Variants in TRNP1 observed in about 807,000 individuals in gnomAD.
TRNP1 encodes the protein TMF-regulated nuclear protein 1.
A neutral mutation model predicts 12.2 loss-of-function variants in TRNP1; 16 were observed. The ratio of observed to expected loss-of-function variants is 1.31; its 90% CI spans 0.89 to 1.99. The LOEUF is 1.99. TRNP1 is among the 30% of genes most tolerant of loss of function. The pLI is 0.00. For missense variants in TRNP1, 338 were observed against 330.4 expected (o/e 1.02, Z -0.18); for synonymous variants, 139 against 166.2 (o/e 0.84, Z 1.26).
chr1:26,994,457 C>T lies in TRNP1; in HGVS notation c.671C>T (p.Ser224Phe). 3 of 1,178,120 alleles carry T rather than the reference C, an allele frequency of 2.5e-6. No individual in the cohort carries two copies. The highest frequency in any genetic ancestry group is 3.1e-6 in the Non-Finnish European group (3 of 953,062). 73.0% of individuals were successfully genotyped at this position (1,178,120 alleles called of 1,614,324 possible). The change falls in exon 1 of 2, where the codon TCC (serine) becomes TTC (phenylalanine). Residue 224 changes from serine (S) to phenylalanine (F), a missense_variant. By Grantham distance (155) the Ser-to-Phe change is radical. Transcript: ENST00000522111. The surrounding 1 kb of genome is among the most constrained non-coding windows in gnomAD (Gnocchi z 6.9). ...FRRSPPRGPASPQR is the reference protein window; with the variant it reads ...FRRSPPRGPAFPQR ...CGCAGCCCGCCCCGCGGCCCCGCCTCCCCGCAGCGCTGACCTCCACGCCCG... is the reference window on the plus strand; with the variant it reads ...CGCAGCCCGCCCCGCGGCCCCGCCTTCCCGCAGCGCTGACCTCCACGCCCG...
Position 26,994,215 on chromosome 1 carries a change from C to T in TRNP1, c.429C>T (p.His143=). The change falls in exon 1 of 2, where the codon CAC becomes CAT. Residue 143 remains histidine, a synonymous_variant. Transcript: ENST00000522111. This position sits in a 1 kb window ranked among gnomAD's most constrained non-coding sequence, Gnocchi z 6.9. The part of the protein sequence containing the change: ...VFLAAELRLA[H]RAESLSRLSG... ...TGGCGGCCGAGCTGCGCCTGGCGCACCGCGCGGAGAGCCTGAGCCGCCTGA... is the reference window on the plus strand; with the variant it reads ...TGGCGGCCGAGCTGCGCCTGGCGCATCGCGCGGAGAGCCTGAGCCGCCTGA... 2 of 1,280,090 alleles carry T rather than the reference C, an allele frequency of 1.6e-6. No homozygotes were observed. The highest frequency in any genetic ancestry group is 2.0e-6 in the Non-Finnish European group (2 of 1,008,880). 79.3% of individuals were successfully genotyped at this position (1,280,090 alleles called of 1,614,324 possible).
At chr1:26,996,027 G>C (rs1360689454) in intron 1 of TRNP1, among the ~76,000 whole-genome samples, 1 of 152,210 alleles carries the variant, frequency 6.6e-6, no homozygotes, top group Non-Finnish European at 1.5e-5. Flanking sequence ...GGGTGGAGAG[G>C]GGATTTCTCA....
intron 1 of TRNP1, among the ~76,000 whole-genome samples, chr1:26,997,773 A>T (rs1290460053): frequency 6.6e-6 from 1 of 152,080 alleles, no homozygotes; most frequent in Non-Finnish European, 1.5e-5. Flanking sequence ...CTAATCTGGG[A>T]CCTGCCCCTC....
At chr1:26,996,742 C>T (rs1053072471) in intron 1 of TRNP1, among the ~76,000 whole-genome samples, 1 of 151,836 alleles carries the variant, frequency 6.6e-6, no homozygotes. Flanking sequence ...CAGCTTGTCC[C>T]GATTTGGGGG....
rs185395270 is a variant in TRNP1 at position 26,998,830 on chromosome 1, G to A, written c.*143-1017G>A. Among the ~76,000 whole-genome samples the A allele has an allele frequency of 2.8e-3, 426 of 152,316 alleles. 2 individuals are homozygous for A. The highest frequency in any genetic ancestry group is 4.0e-3 in the Non-Finnish European group (274 of 68,024). On this transcript the variant is annotated intron_variant, in intron 1 of 1. Coordinates refer to ENST00000522111, the MANE Select transcript of TRNP1 (RefSeq NM_001013642.3). ...AGGTGAAGAAACAGAGAGGGAGGGC[G>A]GGTGACTTGCCCAAAGACATAGGAG... is the stretch of plus-strand genomic sequence containing the variant.
chr1:27,000,319 A>C lies in TRNP1; in HGVS notation c.*615A>C, dbSNP rs530824151. ...GCGCCGGGAGGCCTGTTTGAGGGAA[A>C]ACATTAGTTTGAAAAATCCCCGTTC... On this transcript the variant is annotated 3_prime_UTR_variant, in exon 2 of 2. Coordinates refer to ENST00000522111, the MANE Select transcript of TRNP1 (RefSeq NM_001013642.3). The C allele has an allele frequency of 6.6e-6, 1 of 152,216 alleles. No homozygotes were observed. The highest frequency in any genetic ancestry group is 2.4e-5 in the African/African-American group (1 of 41,438). The allele number at this position is 152,216 out of a possible 1,614,324, so 9.4% of individuals were successfully genotyped here. A position where few individuals can be genotyped will look rare whatever the true frequency, so the allele number is the denominator to read the frequency against.
chr1:26,999,540 A>T (rs2124196961), intron 1 of TRNP1, among the ~76,000 whole-genome samples: 1 of 152,274 alleles, frequency 6.6e-6, no homozygotes, highest in African/African-American at 2.4e-5. Context: ...TCTCTAGAGC[A>T]TCACCATATC....
At chr1:26,999,818 A>G (rs1402200279) in intron 1 of TRNP1, 29 bp from the exon 2 acceptor site, 1 of 152,272 alleles carries the variant, frequency 6.6e-6, no homozygotes, top group Non-Finnish European at 1.5e-5. Flanking sequence ...GAAAGAGGCC[A>G]TTAAAGCTCT....
intron 1 of TRNP1, among the ~76,000 whole-genome samples, chr1:26,998,760 C>T (rs2082557768): frequency 6.6e-6 from 1 of 152,190 alleles, no homozygotes; most frequent in Non-Finnish European, 1.5e-5. Flanking sequence ...TGTTCCGGTT[C>T]TCCCAACCAC....
At chr1:26,998,950 A>C (rs990889503) in intron 1 of TRNP1, among the ~76,000 whole-genome samples, 2 of 152,220 alleles carry the variant, frequency 1.3e-5, no homozygotes, top group Non-Finnish European at 1.5e-5. Context: ...GGGCTCCCAC[A>C]TTCAAGGCTG....
chr1:26,996,043 A>C (rs367881747), intron 1 of TRNP1, among the ~76,000 whole-genome samples: 4 of 152,236 alleles, frequency 2.6e-5, no homozygotes, highest in African/African-American at 9.6e-5. Flanking sequence ...TCTCAAGGTC[A>C]CATGCCAGTG....
At chr1:26,995,683 T>G (rs1158161771) in intron 1 of TRNP1, among the ~76,000 whole-genome samples, 1 of 152,214 alleles carries the variant, frequency 6.6e-6, no homozygotes, top group Non-Finnish European at 1.5e-5. Context: ...CAGGCTGAAG[T>G]GCAATGGTGC....
rs117613263 is a variant in TRNP1 at position 26,998,470 on chromosome 1, A to G, written c.*143-1377A>G. ...TAGGCTGGAGCCACAGAACCTGGCC[A>G]AGGTGGTCCAAGCCTGCAGCCGCTC... On this transcript the variant is annotated intron_variant, in intron 1 of 1. Coordinates refer to ENST00000522111, the MANE Select transcript of TRNP1 (RefSeq NM_001013642.3). Among the ~76,000 whole-genome samples the G allele has an allele frequency of 2.5e-3, 385 of 152,296 alleles. 8 individuals carry two copies. The East Asian group carries it at 0.069, about 27-fold the overall frequency.
In TRNP1 at chr1:26,994,530, C is replaced by A; in HGVS notation, c.*60C>A. The A allele has an allele frequency of 9.1e-7, 1 of 1,095,118 alleles. No individual in the cohort carries two copies. The highest frequency in any genetic ancestry group is 1.1e-6 in the Non-Finnish European group (1 of 895,188). The allele number at this position is 1,095,118 out of a possible 1,614,324, so 67.8% of individuals were successfully genotyped here. A position where few individuals can be genotyped will look rare whatever the true frequency, so the allele number is the denominator to read the frequency against. Reference sequence around the variant, plus strand: ...CTTCGCCGAGGTGCCGACCGACCGACTGATCGCGGACGCCGGCTGGAAGGA... The same window carrying A: ...CTTCGCCGAGGTGCCGACCGACCGAATGATCGCGGACGCCGGCTGGAAGGA... On this transcript the variant is annotated 3_prime_UTR_variant, in exon 1 of 2. Transcript: ENST00000522111. The surrounding 1 kb of genome is among the most constrained non-coding windows in gnomAD (Gnocchi z 6.9).
Position 26,994,413 on chromosome 1 carries a change from G to C in TRNP1, c.627G>C (p.Glu209Asp). The change falls in exon 1 of 2, where the codon GAG (glutamate) becomes GAC (aspartate). Residue 209 changes from glutamate (E) to aspartate (D), a missense_variant. Physicochemically the swap from Glu to Asp is conservative, Grantham distance 45. Transcript: ENST00000522111. The surrounding 1 kb of genome is among the most constrained non-coding windows in gnomAD (Gnocchi z 6.9). ...GACTGCGGCGCGGCCACGGCCCCGA[G>C]CCCGACTCGCCCTTCCGCCGCAGCC... ...AGRLRRGHGP[E>D]PDSPFRRSPP... is the part of the protein sequence containing the mutation. 8.6e-7 allele frequency: 1 copy of C among 1,157,472 alleles called. No homozygotes were observed. Among genetic ancestry groups the C allele is most frequent in the East Asian group, 4.0e-5 (1 of 25,082 alleles). The allele number at this position is 1,157,472 out of a possible 1,614,324, so 71.7% of individuals were successfully genotyped here.
chr1:26,993,995 T>G lies in TRNP1; in HGVS notation c.209T>G (p.Leu70Arg), dbSNP rs1459872785. Residue 70 changes from leucine to arginine, a missense_variant, in exon 1 of 2, where the codon CTG (leucine) becomes CGG (arginine). Leu to Arg is a moderately radical substitution (Grantham distance 102). Transcript: ENST00000522111. The stretch of plus-strand genomic sequence containing the variant: ...GCAGGCGCGGCCGAGGACCAGGAGC[T>G]GCAGCGCTGGCGCCAGGGCGCTAGC... Reference protein sequence around the residue: ...ASAGAAEDQELQRWRQGASGI... With the variant: ...ASAGAAEDQERQRWRQGASGI... 2 of 1,296,374 alleles carry G rather than the reference T, an allele frequency of 1.5e-6. No homozygotes were observed. Among genetic ancestry groups the G allele is most frequent in the Non-Finnish European group, 2.0e-6 (2 of 1,024,454 alleles). The allele number at this position is 1,296,374 out of a possible 1,614,324, so 80.3% of individuals were successfully genotyped here. A position where few individuals can be genotyped will look rare whatever the true frequency, so the allele number is the denominator to read the frequency against.
chr1:26,993,855 G>A lies in TRNP1; in HGVS notation c.69G>A (p.Pro23=), dbSNP rs1402209982. ...AGGGGACGGCAGAGCAGAGGTCGCCGCCGCCGCCCTGGGATCCCATGCCGT... is the reference window on the plus strand; with the variant it reads ...AGGGGACGGCAGAGCAGAGGTCGCCACCGCCGCCCTGGGATCCCATGCCGT... ...AQEGTAEQRS[P]PPPWDPMPSS... The change falls in exon 1 of 2, where the codon CCG becomes CCA. Residue 23 remains proline (P), a synonymous_variant. Coordinates refer to ENST00000522111, the MANE Select transcript of TRNP1 (RefSeq NM_001013642.3). 5.9e-6 allele frequency: 8 copies of A among 1,356,268 alleles called. No homozygotes were observed. The highest frequency in any genetic ancestry group is 7.9e-5 in the Admixed American group (2 of 25,306). 84.0% of individuals were successfully genotyped at this position (1,356,268 alleles called of 1,614,324 possible).
At chr1:26,998,467 G>A (rs920929623) in intron 1 of TRNP1, among the ~76,000 whole-genome samples, 1 of 152,190 alleles carries the variant, frequency 6.6e-6, no homozygotes, top group African/African-American at 2.4e-5. Flanking sequence ...ACAGAACCTG[G>A]CCAAGGTGGT....
intron 1 of TRNP1, among the ~76,000 whole-genome samples, chr1:26,995,310 G>T (rs1411131438): frequency 3.3e-5 from 5 of 152,226 alleles, no homozygotes; most frequent in Admixed American, 3.3e-4. Flanking sequence ...GCTCGGCCAG[G>T]TTGGAACCAG....
Sources: gnomAD v4.1 joint callset for allele counts (sites outside exome capture counted in the v4.1 genomes callset) on GRCh38, gnomAD v4.1.1 for gene constraint, Gnocchi (gnomAD v3.1) non-coding constraint, MANE v1.5 for transcripts, NCBI Gene and HGNC (gene_info 2026-07-23, HGNC 2026-07-21) for gene names.